Variants in NDUFAF6 observed in about 807,000 individuals in gnomAD.
The protein encoded by NDUFAF6 is NADH:ubiquinone oxidoreductase complex assembly factor 6, also known as NADH dehydrogenase (ubiquinone) complex I, assembly factor 6.
Under a neutral mutation model 40.8 loss-of-function variants are expected in NDUFAF6, and 45 were observed. The ratio of observed to expected loss-of-function variants is 1.10; its 90% confidence interval spans 0.87 to 1.42. The LOEUF (loss-of-function observed/expected upper bound fraction) is 1.42. Among genes scored for constraint, NDUFAF6 ranks in the 40% most tolerant of loss-of-function variants. The pLI, the probability that NDUFAF6 is intolerant of heterozygous loss-of-function variation, is 0.00. For missense variants in NDUFAF6, 435 were observed against 418.5 expected, an observed-to-expected ratio of 1.04 and a Z score of -0.34; for synonymous variants, 185 against 155.9, an observed-to-expected ratio of 1.19 and a Z score of -1.39.
intron 2 of NDUFAF6, among the ~76,000 whole-genome samples, chr8:94,996,339 T>C (rs1024220285): frequency 3.3e-5 from 5 of 152,206 alleles, no homozygotes; most frequent in African/African-American, 1.2e-4. Flanking sequence ...TAAGATACTT[T>C]CCTTATACCC....
intron 2 of NDUFAF6, among the ~76,000 whole-genome samples, chr8:95,088,496 T>G (rs1049993806): frequency 4.6e-5 from 7 of 152,140 alleles, no homozygotes; most frequent in Non-Finnish European, 2.9e-5. Context: ...ACCTACCTCA[T>G]CAGTGGTTTC....
At chr8:95,016,722 CAGAG>C (rs1185076919) in intron 2 of NDUFAF6, among the ~76,000 whole-genome samples, 2 of 152,058 alleles carry the variant, frequency 1.3e-5, no homozygotes, top group African/African-American at 4.8e-5. Flanking sequence ...AGCCTGGCGA[CAGAG>C]AGAGACTCCA....
At chr8:94,900,839 G>A (rs1412684299) in intron 1 of NDUFAF6, among the ~76,000 whole-genome samples, 1 of 152,198 alleles carries the variant, frequency 6.6e-6, no homozygotes, top group Non-Finnish European at 1.5e-5. Context: ...GGCGGGGAGT[G>A]ATCTGGGGAG....
chr8:94,961,669 C>T lies in NDUFAF6; in HGVS notation c.-199+3490C>T, dbSNP rs534688171. On this transcript the variant is annotated intron_variant, in intron 1 of 9. Coordinates refer to the NDUFAF6 transcript ENST00000396111. ...CCAACTTCTGACCTTGTGATCCACC[C>T]GCCTCAGCCTCCCAAAGTGCTGATA... Among the ~76,000 whole-genome samples, 76 of 152,270 alleles carry T rather than the reference C, an allele frequency of 5.0e-4. 1 individual carries two copies. Among genetic ancestry groups the T allele is most frequent in the African/African-American group, 1.7e-3 (72 of 41,566 alleles).
chr8:94,897,381 A>G (rs900919491), intron 1 of NDUFAF6, among the ~76,000 whole-genome samples: 4 of 152,226 alleles, frequency 2.6e-5, no homozygotes, highest in Admixed American at 1.3e-4. Flanking sequence ...GAATTCTCCC[A>G]TATTACAGAT....
chr8:94,940,303 T>C (rs1821405731), intron 1 of NDUFAF6: 2 of 1,460,584 alleles, frequency 1.4e-6, no homozygotes, highest in Non-Finnish European at 1.8e-6. Context: ...GCAGTCATTA[T>C]AAAGTCACCC....
chr8:95,009,897 T>C (rs1343001615), intron 2 of NDUFAF6, among the ~76,000 whole-genome samples: 5 of 152,240 alleles, frequency 3.3e-5, no homozygotes, highest in Non-Finnish European at 7.3e-5. Context: ...TAATGATTGT[T>C]GTTTCTTTTA....
rs189414614 is a variant in NDUFAF6 at position 95,058,495 on chromosome 8, A to G, written c.*558A>G. ...GTAAAAATTTATCCATGATAATAAC[A>G]TAACTTCTTTAAGGTTGGAGTGGCT... On this transcript the variant is annotated 3_prime_UTR_variant, in exon 9 of 9. Coordinates refer to ENST00000396124, the MANE Select transcript of NDUFAF6 (RefSeq NM_152416.4). 8.6e-5 allele frequency: 105 copies of G among 1,227,676 alleles called. No individual in the cohort carries two copies. In the African/African-American group the frequency reaches 1.5e-3, roughly 18 times the overall value. The allele number at this position is 1,227,676 out of a possible 1,614,324, so 76.0% of individuals were successfully genotyped here.
At chr8:95,092,429 G>A (rs535329429) in intron 2 of NDUFAF6, among the ~76,000 whole-genome samples, 5 of 151,948 alleles carry the variant, frequency 3.3e-5, no homozygotes, top group South Asian at 2.1e-4. Context: ...TGAGCCACCC[G>A]CCTCAGCCTC....
At chr8:94,939,357 G>A (rs1340199589) in intron 1 of NDUFAF6, among the ~76,000 whole-genome samples, 1 of 151,966 alleles carries the variant, frequency 6.6e-6, no homozygotes, top group Non-Finnish European at 1.5e-5. Flanking sequence ...TATATAACTG[G>A]GGCCATGCTA....
At chr8:95,030,948 G>C (rs1354265055) in intron 1 of NDUFAF6, among the ~76,000 whole-genome samples, 1 of 152,192 alleles carries the variant, frequency 6.6e-6, no homozygotes, top group Non-Finnish European at 1.5e-5. Flanking sequence ...AAGAGAGAAG[G>C]GAGGAGGTGC....
intron 6 of NDUFAF6, among the ~76,000 whole-genome samples, 173 bp from the exon 7 acceptor site, chr8:95,048,284 G>C (rs57065540): frequency 6.6e-6 from 1 of 151,922 alleles, no homozygotes; most frequent in South Asian, 2.1e-4. Context: ...ACACACGCAC[G>C]TGCTCACATA....
chr8:94,968,598 A>G (rs1391391701), intron 1 of NDUFAF6, among the ~76,000 whole-genome samples: 1 of 152,180 alleles, frequency 6.6e-6, no homozygotes, highest in Non-Finnish European at 1.5e-5. Context: ...GCAAGGGAGG[A>G]GACCAAGTCA....
intron 1 of NDUFAF6, among the ~76,000 whole-genome samples, chr8:95,025,689 G>A (rs1273458399): frequency 2.0e-5 from 3 of 152,228 alleles, no homozygotes; most frequent in African/African-American, 7.2e-5. Context: ...TATAGTAAGG[G>A]CACAGTGAGT....
chr8:95,094,117 T>C (rs1258210515), intron 2 of NDUFAF6, among the ~76,000 whole-genome samples: 1 of 151,950 alleles, frequency 6.6e-6, no homozygotes, highest in African/African-American at 2.4e-5. Flanking sequence ...ATTACAGGCA[T>C]GCACCACCAC....
intron 1 of NDUFAF6, among the ~76,000 whole-genome samples, chr8:94,919,981 T>C (rs928663362): frequency 2.0e-5 from 3 of 152,116 alleles, no homozygotes; most frequent in African/African-American, 7.2e-5. Context: ...TTTTTTAACA[T>C]AGAATTTCCT....
Position 95,070,962 on chromosome 8 carries a change from G to A in NDUFAF6, c.*512-4671G>A, listed in dbSNP as rs1050910784. Among the ~76,000 whole-genome samples, 4 of 152,092 alleles carry A rather than the reference G, an allele frequency of 2.6e-5. No homozygotes were observed. In the East Asian group the frequency reaches 7.7e-4, roughly 29 times the overall value. On this transcript the variant is annotated intron_variant and NMD_transcript_variant, in intron 9 of 9. Coordinates refer to the NDUFAF6 transcript ENST00000520757. ...AGAATATAATTTTAGAAAAACACAA[G>A]CAGTAAAAAGCAATTTCTATACCAA...
At position 95,091,051 on chromosome 8, in the gene NDUFAF6, C is replaced by CATAT. The variant is rs74382918; in HGVS notation, n.214-10070_214-10067dup. Among the ~76,000 whole-genome samples, 231 of 44,286 alleles carry CATAT rather than the reference C, an allele frequency of 5.2e-3. 1 individual carries two copies. Among genetic ancestry groups the CATAT allele is most frequent in the African/African-American group, 8.3e-3 (56 of 6,740 alleles). 29.1% of individuals were successfully genotyped at this position (44,286 alleles called of 152,430 possible). Reference sequence around the variant, plus strand: ...AAACTCATATATATATTAATAAACTCATATATATATATATCCTATATATCC... The same window carrying CATAT: ...AAACTCATATATATATTAATAAACTCATATATATATATATATATCCTATATATCC... On this transcript the variant is annotated intron_variant and non_coding_transcript_variant, in intron 2 of 5. Transcript: ENST00000523184.
chr8:95,007,835 C>G (rs543920963), intron 2 of NDUFAF6, among the ~76,000 whole-genome samples: 1 of 151,928 alleles, frequency 6.6e-6, no homozygotes, highest in Admixed American at 6.6e-5. Context: ...AGCGATTCTC[C>G]CAACTCAGCC....
Sources: allele counts gnomAD v4.1 joint callset (sites outside exome capture counted in the v4.1 genomes callset), GRCh38; gene constraint gnomAD v4.1.1; transcripts MANE v1.5; gene names NCBI Gene and HGNC (gene_info 2026-07-23, HGNC 2026-07-21).